The following PDE4B variants were observed in gnomAD, a reference collection of about 807,000 sequenced individuals.
PDE4B encodes phosphodiesterase 4B.
Under a neutral mutation model 82.2 loss-of-function variants are expected in PDE4B, and 20 were observed. The ratio of observed to expected loss-of-function variants is 0.24; its 90% CI spans 0.17 to 0.35. PDE4B has a LOEUF of 0.35. Among genes scored for constraint, PDE4B ranks in the 10% least tolerant of loss-of-function variants. The pLI, the probability that PDE4B is intolerant of heterozygous loss-of-function variation, is 1.00. For synonymous variants in PDE4B, 320 were observed against 318.9 expected (o/e 1.00, Z -0.04); for missense variants, 655 against 907.2 (o/e 0.72, Z 3.57).
chr1:66,114,760 C>T (rs529061580), intron 3 of PDE4B, among the ~76,000 whole-genome samples: 5 of 151,864 alleles, frequency 3.3e-5, no homozygotes, highest in South Asian at 2.1e-4. Flanking sequence ...CTCAGCCTCC[C>T]GGGTAGCTGG....
chr1:65,954,634 GT>G (rs1255339338), intron 3 of PDE4B, among the ~76,000 whole-genome samples: 1 of 151,842 alleles, frequency 6.6e-6, no homozygotes, highest in East Asian at 1.9e-4. Flanking sequence ...TTTTACTTAA[GT>G]TTCTTTTTTC....
At chr1:65,813,636 A>G (rs752146342) in intron 1 of PDE4B, among the ~76,000 whole-genome samples, 7 of 152,182 alleles carry the variant, frequency 4.6e-5, no homozygotes, top group Non-Finnish European at 7.4e-5. Context: ...GGGGTCCTCT[A>G]TAGTTTCAAA....
chr1:66,172,479 G>A (rs554941092), intron 3 of PDE4B, among the ~76,000 whole-genome samples: 1 of 152,318 alleles, frequency 6.6e-6, no homozygotes, highest in African/African-American at 2.4e-5. Flanking sequence ...TAATGGGATT[G>A]CTGGATTGAA....
chr1:66,002,639 T>C (rs1651927410), intron 3 of PDE4B, among the ~76,000 whole-genome samples: 1 of 151,930 alleles, frequency 6.6e-6, no homozygotes, highest in Non-Finnish European at 1.5e-5. Flanking sequence ...GAACTTGGGG[T>C]TCTATCACTG....
chr1:66,261,121 C>T (rs1336633138), intron 6 of PDE4B, among the ~76,000 whole-genome samples: 1 of 152,132 alleles, frequency 6.6e-6, no homozygotes, highest in Non-Finnish European at 1.5e-5. Flanking sequence ...CAGACTCAGT[C>T]CTGAATAATG....
In PDE4B at chr1:65,929,808, C is replaced by T. The variant is rs558948702; in HGVS notation, c.281+10973C>T. ...TGTCAAATGCATTTATTTTGTATAACTCTCTAAACAATCCATGCCAAGGAC... is the reference window on the plus strand; with the variant it reads ...TGTCAAATGCATTTATTTTGTATAATTCTCTAAACAATCCATGCCAAGGAC... On this transcript the variant is annotated intron_variant, in intron 3 of 16. Transcript: ENST00000341517. Among the ~76,000 whole-genome samples the T allele has an allele frequency of 2.0e-5, 3 of 152,272 alleles. No individual in the cohort carries two copies. The South Asian group carries it at 6.2e-4, about 32-fold the overall frequency.
intron 3 of PDE4B, among the ~76,000 whole-genome samples, chr1:66,089,600 T>C (rs1268412146): frequency 6.6e-6 from 1 of 152,072 alleles, no homozygotes; most frequent in Non-Finnish European, 1.5e-5. Flanking sequence ...AGGTTTTTTT[T>C]TCATAGGTAT....
chr1:65,851,139 A>G (rs1260858131), intron 1 of PDE4B, among the ~76,000 whole-genome samples: 3 of 152,114 alleles, frequency 2.0e-5, no homozygotes, highest in Non-Finnish European at 4.4e-5. Context: ...TACGCTTGAT[A>G]TGTTTCTGGA....
chr1:66,189,921 A>G (rs1279008123), intron 3 of PDE4B, among the ~76,000 whole-genome samples: 1 of 151,892 alleles, frequency 6.6e-6, no homozygotes, highest in East Asian at 1.9e-4. Context: ...TGCTTTTTAG[A>G]GTTTCCAGTT....
At chr1:66,057,846 A>G (rs1319470753) in intron 3 of PDE4B, among the ~76,000 whole-genome samples, 1 of 152,106 alleles carries the variant, frequency 6.6e-6, no homozygotes, top group Non-Finnish European at 1.5e-5. Context: ...CACAAAACCA[A>G]ACCATATCAT....
chr1:65,997,313 G>A (rs145779604), intron 3 of PDE4B, among the ~76,000 whole-genome samples: 132 of 152,016 alleles, frequency 8.7e-4, no homozygotes, highest in African/African-American at 2.6e-3. Flanking sequence ...CCTTCTTCTC[G>A]TTTAGTTTTA....
chr1:66,114,080 C>T (rs1243536710), intron 3 of PDE4B, among the ~76,000 whole-genome samples: 1 of 152,144 alleles, frequency 6.6e-6, no homozygotes, highest in Non-Finnish European at 1.5e-5. Flanking sequence ...GGGCAGAGCT[C>T]TCATAAATGG....
intron 3 of PDE4B, among the ~76,000 whole-genome samples, chr1:66,130,380 A>C (rs1055565928): frequency 6.6e-6 from 1 of 152,172 alleles, no homozygotes; most frequent in African/African-American, 2.4e-5. Flanking sequence ...TTGTTTATTT[A>C]GTGGTGAGTG....
chr1:66,096,813 G>A (rs1645129365), intron 3 of PDE4B, among the ~76,000 whole-genome samples: 1 of 151,440 alleles, frequency 6.6e-6, no homozygotes, highest in South Asian at 2.1e-4. Flanking sequence ...TGAACTCTTG[G>A]TGATCACTGA....
chr1:66,372,828 C>T lies in PDE4B; in HGVS notation c.*150C>T, dbSNP rs2050833089. On this transcript the variant is annotated 3_prime_UTR_variant, in exon 17 of 17. Transcript: ENST00000341517. ...TGAGTTTGGAGTCAGAAAGCAAGACCAGGAAGCAAATAGCAGCTCAGGAAA... is the reference window on the plus strand; with the variant it reads ...TGAGTTTGGAGTCAGAAAGCAAGACTAGGAAGCAAATAGCAGCTCAGGAAA... 4.2e-6 allele frequency: 3 copies of T among 718,568 alleles called. No homozygotes were observed. 44.5% of individuals were successfully genotyped at this position (718,568 alleles called of 1,614,324 possible). A position where few individuals can be genotyped will look rare whatever the true frequency, so the allele number is the denominator to read the frequency against.
At position 65,793,186 on chromosome 1, in the gene PDE4B, C is replaced by A; in HGVS notation, c.-133C>A. ...GCCCCGGCGTCCAGAGCGCTGCGGC[C>A]GCGGCGGTGCAGCAGAGGCGCCTCG... On this transcript the variant is annotated 5_prime_UTR_variant, in exon 1 of 17. Transcript: ENST00000341517. 1 of 152,390 alleles carries A rather than the reference C, an allele frequency of 6.6e-6. No homozygotes were observed. Among genetic ancestry groups the A allele is most frequent in the Non-Finnish European group, 1.5e-5 (1 of 68,138 alleles). 9.4% of individuals were successfully genotyped at this position (152,390 alleles called of 1,614,324 possible).
intron 3 of PDE4B, among the ~76,000 whole-genome samples, chr1:65,970,720 T>C (rs985226946): frequency 6.6e-6 from 1 of 151,948 alleles, no homozygotes; most frequent in African/African-American, 2.4e-5. Context: ...GGAAGTGACA[T>C]TCGATTAGGT....
intron 3 of PDE4B, among the ~76,000 whole-genome samples, chr1:66,171,770 T>G (rs1162933018): frequency 6.6e-6 from 1 of 152,152 alleles, no homozygotes; most frequent in Non-Finnish European, 1.5e-5. Context: ...TGATGTAATA[T>G]GAAGCACCCA....
In PDE4B at chr1:66,367,537, G is replaced by A. The variant is rs1040855571; in HGVS notation, c.1385-159G>A. The stretch of plus-strand genomic sequence containing the variant: ...TTTTGCTTAGAAACTGATGACTTCT[G>A]TTTGTAGAGGGCCACTGCTTCTCTA... On this transcript the variant is annotated intron_variant, in intron 13 of 16. Transcript: ENST00000341517. The A allele has an allele frequency of 1.2e-5, 7 of 584,882 alleles. No individual in the cohort carries two copies. In the African/African-American group the frequency reaches 1.3e-4, roughly 11 times the overall value. The allele number at this position is 584,882 out of a possible 1,614,324, so 36.2% of individuals were successfully genotyped here.
Sources: allele counts gnomAD v4.1 joint callset (sites outside exome capture counted in the v4.1 genomes callset), GRCh38; gene constraint gnomAD v4.1.1; transcripts MANE v1.5; gene names NCBI Gene and HGNC (gene_info 2026-07-23, HGNC 2026-07-21).